Variants in PSPC1 observed in about 807,000 individuals in gnomAD.
PSPC1 encodes the protein paraspeckle protein 1.
PSPC1 carries 14 observed loss-of-function variants against 51.6 expected under a neutral mutation model. The ratio of observed to expected loss-of-function variants is 0.27; its 90% confidence interval spans 0.18 to 0.42. The LOEUF is 0.42. Ranked by LOEUF, PSPC1 falls within the 10% of genes least tolerant of loss-of-function variation. The pLI is 1.00. For missense variants in PSPC1, 406 were observed against 701.1 expected (o/e 0.58, Z 4.75); for synonymous variants, 193 against 231.9 (o/e 0.83, Z 1.53).
At chr13:19,735,343 G>C (rs542388677) in intron 5 of PSPC1, among the ~76,000 whole-genome samples, 1 of 152,048 alleles carries the variant, frequency 6.6e-6, no homozygotes, top group African/African-American at 2.4e-5. Flanking sequence ...AAGTGGGTAG[G>C]TGAGTAAATG....
chr13:19,727,980 C>T (rs1189940684), intron 6 of PSPC1, among the ~76,000 whole-genome samples: 1 of 151,998 alleles, frequency 6.6e-6, no homozygotes, highest in Non-Finnish European at 1.5e-5. Context: ...TTTATAGTTA[C>T]AACAGTAATT....
At chr13:19,679,366 CATGCCTGTAGTCCCAACT>C (rs1877020962) in intron 6 of PSPC1, among the ~76,000 whole-genome samples, 1 of 152,104 alleles carries the variant, frequency 6.6e-6, no homozygotes, top group African/African-American at 2.4e-5. Context: ...CGTGGTGGTA[CATGCCTGTAGTCCCAACT>C]AATTGGCAGG....
chr13:19,713,996 C>A (rs1881779744), intron 6 of PSPC1, among the ~76,000 whole-genome samples: 1 of 152,168 alleles, frequency 6.6e-6, no homozygotes, highest in South Asian at 2.1e-4. Flanking sequence ...GAGACTTGGG[C>A]CCAATTTTTA....
chr13:19,727,435 A>C (rs1883488383), intron 6 of PSPC1, among the ~76,000 whole-genome samples: 1 of 152,160 alleles, frequency 6.6e-6, no homozygotes, highest in Non-Finnish European at 1.5e-5. Context: ...TCAAATTTTA[A>C]AACCAAGTAA....
At chr13:19,780,227 G>A (rs1241286268) in intron 1 of PSPC1, among the ~76,000 whole-genome samples, 2 of 143,954 alleles carry the variant, frequency 1.4e-5, no homozygotes, top group Non-Finnish European at 3.1e-5. Context: ...ACCCCGTCCG[G>A]GAGGTGAGGG....
In PSPC1 at chr13:19,716,686, G is replaced by A. The variant is rs147328255; in HGVS notation, c.1159-7087C>T. On this transcript the variant is annotated intron_variant, in intron 6 of 8. Transcript: ENST00000338910. ...ATATATAATTCTAGAGAAAAATATA[G>A]TAAGTTCTGACAACAGGATTCAGCC... is the stretch of plus-strand genomic sequence containing the variant. Among the ~76,000 whole-genome samples, 1,308 of 152,124 alleles carry A rather than the reference G, an allele frequency of 8.6e-3. 23 individuals carry two copies. Among genetic ancestry groups the A allele is most frequent in the African/African-American group, 0.03 (1,251 of 41,486 alleles).
intron 2 of PSPC1, among the ~76,000 whole-genome samples, chr13:19,772,035 C>A (rs1006994495): frequency 6.6e-6 from 1 of 152,130 alleles, no homozygotes; most frequent in Non-Finnish European, 1.5e-5. Context: ...CAAAACACTG[C>A]AGAGATTTAA....
chr13:19,753,338 C>T (rs1886755131), intron 3 of PSPC1, among the ~76,000 whole-genome samples: 1 of 150,036 alleles, frequency 6.7e-6, no homozygotes, highest in Admixed American at 6.6e-5. Context: ...CAGGCTCAAG[C>T]AGTCCTCCCA....
chr13:19,741,441 G>C (rs988084966), intron 5 of PSPC1, 124 bp downstream of exon 5: 12 of 647,604 alleles, frequency 1.9e-5, no homozygotes, highest in African/African-American at 1.8e-4. Flanking sequence ...CACTGTATGT[G>C]GTTAAAATGG....
intron 2 of PSPC1, among the ~76,000 whole-genome samples, chr13:19,770,928 T>C (rs1014279294): frequency 2.0e-5 from 3 of 151,664 alleles, no homozygotes; most frequent in African/African-American, 7.2e-5. Flanking sequence ...AAACACCTCA[T>C]TGAGCTCTAC....
At chr13:19,772,692 GT>G in intron 1 of PSPC1, 149 bp from the exon 2 acceptor site, 1 of 679,120 alleles carries the variant, frequency 1.5e-6, no homozygotes, top group Non-Finnish European at 2.4e-6. Context: ...GTATCACATG[GT>G]TTTTAACTAT....
At chr13:19,710,625 A>G (rs1254900990) in intron 6 of PSPC1, among the ~76,000 whole-genome samples, 1 of 152,186 alleles carries the variant, frequency 6.6e-6, no homozygotes. Context: ...AGCTGGAAAT[A>G]AAATAAAAGC....
intron 5 of PSPC1, among the ~76,000 whole-genome samples, chr13:19,735,514 A>C (rs1239956599): frequency 6.6e-6 from 1 of 152,148 alleles, no homozygotes; most frequent in Non-Finnish European, 1.5e-5. Flanking sequence ...CCTATGAAAA[A>C]CTAAATAATT....
intron 6 of PSPC1, among the ~76,000 whole-genome samples, chr13:19,722,656 T>C (rs142026175): frequency 0.012 from 1,773 of 151,232 alleles, 35 homozygotes; most frequent in African/African-American, 0.039. Context: ...TAGCTGGGCA[T>C]GGTGGCGGGT....
At chr13:19,769,128 G>C (rs191122119) in intron 2 of PSPC1, among the ~76,000 whole-genome samples, 11 of 150,794 alleles carry the variant, frequency 7.3e-5, no homozygotes, top group African/African-American at 2.7e-4. Flanking sequence ...GACACATTAA[G>C]ACTCTGCCTC....
chr13:19,674,276 C>CTGA (rs535525852), downstream of PSPC1, among the ~76,000 whole-genome samples: 63 of 152,162 alleles, frequency 4.1e-4, 1 homozygote, highest in East Asian at 0.011. Flanking sequence ...AATAGGGATT[C>CTGA]TGATAATGTT....
intron 2 of PSPC1, among the ~76,000 whole-genome samples, chr13:19,771,660 A>G (rs970451224): frequency 2.7e-5 from 4 of 150,668 alleles, no homozygotes; most frequent in Non-Finnish European, 5.9e-5. Context: ...AGAGTCTGTC[A>G]CCCAGGCTGG....
intron 2 of PSPC1, among the ~76,000 whole-genome samples, chr13:19,761,856 G>A (rs1380700027): frequency 6.6e-6 from 1 of 152,170 alleles, no homozygotes; most frequent in Non-Finnish European, 1.5e-5. Context: ...GTGCACCTGA[G>A]CAGAGGCCAA....
chr13:19,729,626 A>G (rs2137919093), intron 6 of PSPC1, among the ~76,000 whole-genome samples: 1 of 151,842 alleles, frequency 6.6e-6, no homozygotes, highest in Middle Eastern at 3.4e-3. Flanking sequence ...CAATTCAAAG[A>G]AACCAAATGT....
Sources: gnomAD v4.1 joint callset for allele counts (sites outside exome capture counted in the v4.1 genomes callset) on GRCh38, gnomAD v4.1.1 for gene constraint, MANE v1.5 for transcripts, NCBI Gene and HGNC (gene_info 2026-07-23, HGNC 2026-07-21) for gene names.